MYOZ2: variants seen among roughly 807,000 people sequenced by gnomAD.
The protein encoded by MYOZ2 is myozenin-2.
In MYOZ2, 19 loss-of-function variants were observed where a neutral mutation model predicts 25.4. The observed-to-expected ratio is 0.75, with a 90% CI of 0.52 to 1.10. The LOEUF (loss-of-function observed/expected upper bound fraction) is 1.10, where lower values mean the gene tolerates loss of function less well. Among genes scored for constraint, MYOZ2 ranks in the 50% least tolerant of loss-of-function variants. The pLI, the probability that MYOZ2 is intolerant of heterozygous loss-of-function variation, is 0.00. For synonymous variants in MYOZ2, 92 were observed against 106.9 expected (o/e 0.86, Z 0.86); for missense variants, 270 against 317.9 (o/e 0.85, Z 1.15).
At chr4:119,149,322 G>A (rs1741391832) in intron 2 of MYOZ2, among the ~76,000 whole-genome samples, 2 of 152,224 alleles carry the variant, frequency 1.3e-5, no homozygotes, top group South Asian at 4.1e-4. Flanking sequence ...GGGAGTATTG[G>A]AGAAACTTGT....
chr4:119,174,275 C>A (rs201545964), intron 5 of MYOZ2, among the ~76,000 whole-genome samples: 1 of 152,240 alleles, frequency 6.6e-6, no homozygotes, highest in East Asian at 1.9e-4. Flanking sequence ...CTTGGAGAAC[C>A]TTTATGTCTA....
intron 3 of MYOZ2, among the ~76,000 whole-genome samples, chr4:119,156,788 C>T (rs541575410): frequency 1.2e-4 from 19 of 152,032 alleles, no homozygotes; most frequent in South Asian, 4.2e-4. Flanking sequence ...ATGAAGCAGA[C>T]GAAAGAACAA....
chr4:119,175,618 G>A (rs1263936133), intron 5 of MYOZ2, among the ~76,000 whole-genome samples: 1 of 152,058 alleles, frequency 6.6e-6, no homozygotes, highest in Non-Finnish European at 1.5e-5. Flanking sequence ...CAGGTGTGGT[G>A]GCGGGCGTCT....
chr4:119,170,827 T>C (rs1482188304), intron 5 of MYOZ2, among the ~76,000 whole-genome samples: 3 of 152,098 alleles, frequency 2.0e-5, no homozygotes, highest in African/African-American at 7.2e-5. Flanking sequence ...GTTCAAGAAG[T>C]ACTACAGCAC....
chr4:119,138,483 G>A (rs1231148967), intron 2 of MYOZ2, among the ~76,000 whole-genome samples: 13 of 152,108 alleles, frequency 8.5e-5, no homozygotes, highest in Admixed American at 8.5e-4. Context: ...TTCTCAGGAT[G>A]CATAATAAAA....
chr4:119,176,344 C>A (rs1048535961), intron 5 of MYOZ2, among the ~76,000 whole-genome samples: 2 of 152,014 alleles, frequency 1.3e-5, no homozygotes, highest in African/African-American at 4.8e-5. Context: ...CTTCAGACTC[C>A]GGAGTAGCTG....
rs374655743 is a variant in MYOZ2 at position 119,158,118 on chromosome 4, C to T, written c.343C>T (p.Arg115Ter). The stretch of plus-strand genomic sequence containing the variant: ...GACTCCTCCCAACACCCCAGATCCA[C>T]GAAGCCCTCCAAATCCAGACAACAT... ...PLTPPNTPDP[R>*]SPPNPDNIAP... The change falls in exon 4 of 6, where the codon CGA becomes TGA. Residue 115 changes from arginine (R) to a stop codon, truncating the protein, a stop_gained. Transcript: ENST00000307128. LOFTEE classifies it high-confidence loss of function. 1.9e-5 allele frequency: 30 copies of T among 1,613,928 alleles called. No homozygotes were observed. Among genetic ancestry groups the T allele is most frequent in the East Asian group, 6.7e-5 (3 of 44,894 alleles).
intron 5 of MYOZ2, among the ~76,000 whole-genome samples, chr4:119,166,716 T>C (rs1489346870): frequency 1.3e-5 from 2 of 152,220 alleles, no homozygotes; most frequent in African/African-American, 2.4e-5. Context: ...AGCAAGTCTA[T>C]TGGTGCCATT....
intron 5 of MYOZ2, among the ~76,000 whole-genome samples, chr4:119,167,792 A>C (rs1423206118): frequency 6.6e-6 from 1 of 152,198 alleles, no homozygotes; most frequent in African/African-American, 2.4e-5. Flanking sequence ...GTGCTTTATA[A>C]ATGGAAAAGC....
intron 3 of MYOZ2, among the ~76,000 whole-genome samples, chr4:119,154,280 G>T (rs1376701062): frequency 1.3e-5 from 2 of 152,064 alleles, no homozygotes; most frequent in South Asian, 4.1e-4. Flanking sequence ...ATAATCTATA[G>T]GATATGGCTC....
chr4:119,177,590 A>G (rs994848047), intron 5 of MYOZ2, among the ~76,000 whole-genome samples: 2 of 152,170 alleles, frequency 1.3e-5, no homozygotes, highest in Non-Finnish European at 2.9e-5. Flanking sequence ...TATTTTTCAA[A>G]AAAAAGTGGA....
chr4:119,137,948 A>G (rs1227465063), intron 2 of MYOZ2, among the ~76,000 whole-genome samples: 1 of 152,124 alleles, frequency 6.6e-6, no homozygotes, highest in Non-Finnish European at 1.5e-5. Flanking sequence ...CTTTCATGTT[A>G]TTATTTTCTA....
In MYOZ2 at chr4:119,187,294, C is replaced by T. The variant is rs949298948; in HGVS notation, c.*1094C>T. 12 of 151,998 alleles carry T rather than the reference C, an allele frequency of 7.9e-5. No individual in the cohort carries two copies. Among genetic ancestry groups the T allele is most frequent in the Non-Finnish European group, 1.2e-4 (8 of 67,968 alleles). 9.4% of individuals were successfully genotyped at this position (151,998 alleles called of 1,614,324 possible). A position where few individuals can be genotyped will look rare whatever the true frequency, so the allele number is the denominator to read the frequency against. ...ACATATAACTTATAGAAATCAGTATCAATTCCTCCCATTTCAATTCAGTTA... is the reference window on the plus strand; with the variant it reads ...ACATATAACTTATAGAAATCAGTATTAATTCCTCCCATTTCAATTCAGTTA... On this transcript the variant is annotated 3_prime_UTR_variant, in exon 6 of 6. Transcript: ENST00000307128.
Position 119,186,360 on chromosome 4 carries a change from T to C in MYOZ2, c.*160T>C, listed in dbSNP as rs1742294998. On this transcript the variant is annotated 3_prime_UTR_variant, in exon 6 of 6. Coordinates refer to ENST00000307128, the MANE Select transcript of MYOZ2 (RefSeq NM_016599.5). ...TCAATTTCAATCTCAGATCAAATAC[T>C]AATAAACAATTAGAAATCTTACTTT... The C allele has an allele frequency of 1.6e-6, 1 of 610,314 alleles. No individual in the cohort carries two copies. Among genetic ancestry groups the C allele is most frequent in the South Asian group, 2.1e-5 (1 of 47,124 alleles). 37.8% of individuals were successfully genotyped at this position (610,314 alleles called of 1,614,324 possible).
chr4:119,151,548 G>T (rs968368015), intron 3 of MYOZ2, among the ~76,000 whole-genome samples: 1 of 151,888 alleles, frequency 6.6e-6, no homozygotes, highest in Non-Finnish European at 1.5e-5. Flanking sequence ...ACAAAAACTA[G>T]TTTGGATATA....
intron 4 of MYOZ2, 95 bp from the exon 5 acceptor site, chr4:119,164,116 T>A (rs749826704): frequency 1.7e-6 from 2 of 1,203,936 alleles, no homozygotes; most frequent in Non-Finnish European, 2.4e-6. Context: ...CATAAATTTA[T>A]CCCAGCATGA....
intron 5 of MYOZ2, among the ~76,000 whole-genome samples, chr4:119,171,247 C>G (rs954668322): frequency 1.3e-5 from 2 of 151,966 alleles, no homozygotes; most frequent in African/African-American, 2.4e-5. Context: ...TTAAAAGAAG[C>G]TACCAGTAAA....
intron 4 of MYOZ2, among the ~76,000 whole-genome samples, chr4:119,163,582 G>A (rs1741754121): frequency 6.6e-6 from 1 of 152,168 alleles, no homozygotes; most frequent in Non-Finnish European, 1.5e-5. Flanking sequence ...GAGATCAGAA[G>A]CAGAAAAGCT....
At chr4:119,169,566 G>A (rs1337090550) in intron 5 of MYOZ2, among the ~76,000 whole-genome samples, 1 of 152,246 alleles carries the variant, frequency 6.6e-6, no homozygotes, top group Admixed American at 6.5e-5. Flanking sequence ...CTCTGGAGAT[G>A]AGGGAAATTT....
Sources: allele counts gnomAD v4.1 joint callset (sites outside exome capture counted in the v4.1 genomes callset), GRCh38; gene constraint gnomAD v4.1.1; transcripts MANE v1.5; gene names NCBI Gene and HGNC (gene_info 2026-07-23, HGNC 2026-07-21).